Variants in FRY observed in about 807,000 individuals in gnomAD.
FRY encodes FRY microtubule binding protein, also known as protein furry homolog.
In FRY, 128 loss-of-function variants were observed where a neutral mutation model predicts 348.4. That is an observed-to-expected ratio of 0.37 (90% CI 0.32 to 0.43). The LOEUF (loss-of-function observed/expected upper bound fraction) is 0.43, where lower values mean the gene tolerates loss of function less well. Ranked by LOEUF, FRY falls within the 20% of genes least tolerant of loss-of-function variation. The probability of loss-of-function intolerance (pLI) is 1.00; values close to 1 mark genes in which losing one functional copy is unlikely to be tolerated. For synonymous variants in FRY, 1,370 were observed against 1,374.7 expected (o/e 1.00, Z 0.08); for missense variants, 2,736 against 3,695.2 (o/e 0.74, Z 6.73).
chr13:32,119,774 G>A (rs1033200527), intron 4 of FRY, among the ~76,000 whole-genome samples: 1 of 152,134 alleles, frequency 6.6e-6, no homozygotes, highest in African/African-American at 2.4e-5. Context: ...GTTCCAGTGG[G>A]TCTTGAAGGA....
chr13:32,129,197 A>G (rs1879204507), intron 7 of FRY, among the ~76,000 whole-genome samples: 1 of 152,214 alleles, frequency 6.6e-6, no homozygotes, highest in African/African-American at 2.4e-5. Flanking sequence ...GAGAGGTTAC[A>G]TGGTGTCCAT....
chr13:32,261,893 GCAGCTAAGGAAACTTTCCA>G, intron 52 of FRY, 77 bp downstream of exon 52: 1 of 1,362,150 alleles, frequency 7.3e-7, no homozygotes, highest in Non-Finnish European at 1.0e-6. Flanking sequence ...GTTTCCAGTT[GCAGCTAAGGAAACTTTCCA>G]CAGCTGCTGA....
rs572906527 is a variant in FRY at position 32,217,990 on chromosome 13, G to C, written c.4683-759G>C. On this transcript the variant is annotated intron_variant, in intron 35 of 60. Transcript: ENST00000542859. Reference sequence around the variant, plus strand: ...TGAACACTCTCAAACTATTTTAAGAGAAACTTTAATTCTGGGTAAAGTCCA... The same window carrying C: ...TGAACACTCTCAAACTATTTTAAGACAAACTTTAATTCTGGGTAAAGTCCA... Among the ~76,000 whole-genome samples, 12 of 152,240 alleles carry C rather than the reference G, an allele frequency of 7.9e-5. No individual in the cohort carries two copies. In the South Asian group the frequency reaches 2.3e-3, roughly 29 times the overall value.
At chr13:32,270,608 A>C (rs745759005) in intron 55 of FRY, among the ~76,000 whole-genome samples, 14 of 152,224 alleles carry the variant, frequency 9.2e-5, no homozygotes, top group Non-Finnish European at 1.9e-4. Context: ...TTAATTTGAC[A>C]GTCCTGCACA....
At chr13:32,256,466 T>C (rs1437782271) in intron 51 of FRY, among the ~76,000 whole-genome samples, 2 of 150,996 alleles carry the variant, frequency 1.3e-5, no homozygotes, top group African/African-American at 4.9e-5. Flanking sequence ...GCCCAGGAGG[T>C]CAAGGCTGCA....
chr13:32,278,549 G>GTAAT lies in FRY; in HGVS notation c.8469+2_8469+5dup. On this transcript the variant is annotated splice_donor_variant, in intron 58 of 60. Coordinates refer to ENST00000542859, the MANE Select transcript of FRY (RefSeq NM_023037.3). LOFTEE classifies it high-confidence loss of function. ...TCAACCAGGGGACTCCGAAGAAAAG[G>GTAAT]TAATAAAAGCCTGTTAGAATGGGTC... The GTAAT allele has an allele frequency of 6.7e-7, 1 of 1,487,856 alleles. No homozygotes were observed. Among genetic ancestry groups the GTAAT allele is most frequent in the Non-Finnish European group, 9.4e-7 (1 of 1,064,896 alleles). The allele number at this position is 1,487,856 out of a possible 1,614,324, so 92.2% of individuals were successfully genotyped here. A position where few individuals can be genotyped will look rare whatever the true frequency, so the allele number is the denominator to read the frequency against.
chr13:32,237,955 A>G lies in FRY; in HGVS notation c.6387A>G (p.Lys2129=). 6.2e-7 allele frequency: 1 copy of G among 1,614,062 alleles called. No individual in the cohort carries two copies. The change falls in exon 44 of 61, where the codon AAA becomes AAG. Residue 2129 remains lysine, a synonymous_variant. Transcript: ENST00000542859. This position sits in a 1 kb window ranked among gnomAD's most constrained non-coding sequence, Gnocchi z 6.3. ...TCAGTCTGCTGACACCAGTGTCCAAAATATCCATGGTGGATGCATCCCACG... is the reference window on the plus strand; with the variant it reads ...TCAGTCTGCTGACACCAGTGTCCAAGATATCCATGGTGGATGCATCCCACG... The part of the protein sequence containing the change: ...QLFSLLTPVS[K]ISMVDASHAI...
At chr13:32,218,963 A>C (rs1210287916) in intron 36 of FRY, 132 bp downstream of exon 36, 1 of 677,298 alleles carries the variant, frequency 1.5e-6, no homozygotes, top group Non-Finnish European at 2.7e-6. Flanking sequence ...TAATCCACCT[A>C]TGCAGATGAG....
chr13:32,050,535 A>G (rs1056735527), intron 1 of FRY, among the ~76,000 whole-genome samples: 4 of 152,176 alleles, frequency 2.6e-5, no homozygotes, highest in African/African-American at 4.8e-5. Flanking sequence ...ATAGTTGCAT[A>G]ATAAACCCTT....
intron 8 of FRY, among the ~76,000 whole-genome samples, chr13:32,133,768 CTTTTTT>C (rs34413710): frequency 3.4e-5 from 3 of 89,284 alleles, no homozygotes; most frequent in Admixed American, 1.4e-4. Context: ...TTCTTTCTTT[CTTTTTT>C]TTTTTTTTTT....
At chr13:32,194,059 A>G in intron 28 of FRY, 84 bp from the exon 29 acceptor site, 1 of 1,329,276 alleles carries the variant, frequency 7.5e-7, no homozygotes, top group Non-Finnish European at 1.1e-6. Flanking sequence ...TACTCAGTTT[A>G]TATTGACTAA....
At chr13:32,076,695 G>C (rs935704759) in intron 1 of FRY, among the ~76,000 whole-genome samples, 2 of 152,102 alleles carry the variant, frequency 1.3e-5, no homozygotes, top group African/African-American at 4.8e-5. Flanking sequence ...AATAAAGTCA[G>C]GGGACATTTT....
chr13:32,297,477 C>T lies in FRY; in HGVS notation c.*2017C>T, dbSNP rs1278431979. ...GGCTTCTTACCCAGCAGAGAACCAC[C>T]GTGATGGTTTACTCTTAAAAAGGGA... is the stretch of plus-strand genomic sequence containing the variant. On this transcript the variant is annotated 3_prime_UTR_variant, in exon 61 of 61. Transcript: ENST00000542859. 3 of 151,282 alleles carry T rather than the reference C, an allele frequency of 2.0e-5. No individual in the cohort carries two copies. The highest frequency in any genetic ancestry group is 4.4e-5 in the Non-Finnish European group (3 of 67,922). The allele number at this position is 151,282 out of a possible 1,614,324, so 9.4% of individuals were successfully genotyped here.
intron 3 of FRY, among the ~76,000 whole-genome samples, chr13:32,112,939 A>C (rs1878061962): frequency 6.6e-6 from 1 of 152,216 alleles, no homozygotes; most frequent in Non-Finnish European, 1.5e-5. Context: ...CATTGCTTTA[A>C]TTATTCTCTA....
chr13:32,076,014 A>G (rs1023122675), intron 1 of FRY, among the ~76,000 whole-genome samples: 5 of 152,224 alleles, frequency 3.3e-5, no homozygotes, highest in African/African-American at 9.6e-5. Flanking sequence ...GTTCAGGTGA[A>G]TAATATTTTT....
Position 32,054,599 on chromosome 13 carries a change from C to T in FRY, c.70+22734C>T, listed in dbSNP as rs1233385301. Among the ~76,000 whole-genome samples the T allele has an allele frequency of 3.3e-5, 5 of 152,064 alleles. No homozygotes were observed. In the East Asian group the frequency reaches 7.7e-4, roughly 24 times the overall value. On this transcript the variant is annotated intron_variant, in intron 1 of 60. Transcript: ENST00000542859. ...GTTTAAAGGTAAGAAACAGGCTGGG[C>T]GCAGTGACTCACACCTGTAATCCCA...
At chr13:32,045,314 T>A (rs1872964115) in intron 1 of FRY, among the ~76,000 whole-genome samples, 1 of 152,200 alleles carries the variant, frequency 6.6e-6, no homozygotes, top group South Asian at 2.1e-4. Flanking sequence ...CACATCTGGA[T>A]CTTCGTCACC....
intron 14 of FRY, among the ~76,000 whole-genome samples, chr13:32,150,483 C>T (rs1326987178): frequency 6.6e-6 from 1 of 152,182 alleles, no homozygotes; most frequent in Non-Finnish European, 1.5e-5. Flanking sequence ...GTCAGCAGAG[C>T]CAAATTTGCC....
At position 32,225,992 on chromosome 13, in the gene FRY, G is replaced by A; in HGVS notation, c.5206+18G>A. 1 of 1,610,400 alleles carries A rather than the reference G, an allele frequency of 6.2e-7. No individual in the cohort carries two copies. Among genetic ancestry groups the A allele is most frequent in the Admixed American group, 1.7e-5 (1 of 60,004 alleles). ...CTATACAGGTAACAGAGAAGGACTG[G>A]TAGAGAGCCTAGGACAGTTACAAAT... On this transcript the variant is annotated intron_variant, in intron 39 of 60. Coordinates refer to ENST00000542859, the MANE Select transcript of FRY (RefSeq NM_023037.3).
Sources: gnomAD v4.1 joint callset for allele counts (sites outside exome capture counted in the v4.1 genomes callset) on GRCh38, gnomAD v4.1.1 for gene constraint, Gnocchi (gnomAD v3.1) non-coding constraint, MANE v1.5 for transcripts, NCBI Gene and HGNC (gene_info 2026-07-23, HGNC 2026-07-21) for gene names.